RAPGEF2: variants seen among roughly 807,000 people sequenced by gnomAD.
RAPGEF2 encodes PDZ domain containing guanine nucleotide exchange factor (GEF) 1.
In RAPGEF2, 54 loss-of-function variants were observed where a neutral mutation model predicts 186.7. That is an observed-to-expected ratio of 0.29 (90% CI 0.23 to 0.36). The LOEUF is 0.36. Among genes scored for constraint, RAPGEF2 ranks in the 10% least tolerant of loss-of-function variants. The pLI, the probability that RAPGEF2 is intolerant of heterozygous loss-of-function variation, is 1.00. For synonymous variants in RAPGEF2, 712 were observed against 705.9 expected, an observed-to-expected ratio of 1.01 and a Z score of -0.14; for missense variants, 1,532 against 2,045.0, an observed-to-expected ratio of 0.75 and a Z score of 4.84.
At chr4:159,334,352 A>C (rs1767109223) in intron 17 of RAPGEF2, among the ~76,000 whole-genome samples, 1 of 152,160 alleles carries the variant, frequency 6.6e-6, no homozygotes, top group South Asian at 2.1e-4. Context: ...GAGCTCAAGC[A>C]ATTCTCATTC....
intron 7 of RAPGEF2, among the ~76,000 whole-genome samples, chr4:159,299,985 T>G (rs1762459379): frequency 6.6e-6 from 1 of 151,960 alleles, no homozygotes; most frequent in Admixed American, 6.6e-5. Context: ...TGCCAGGCAC[T>G]TCTCTAAGTC....
chr4:159,225,030 C>A (rs1199512107), intron 4 of RAPGEF2, among the ~76,000 whole-genome samples: 1 of 152,070 alleles, frequency 6.6e-6, no homozygotes, highest in Non-Finnish European at 1.5e-5. Context: ...AATGAAGATA[C>A]TTGATTTTAG....
intron 17 of RAPGEF2, among the ~76,000 whole-genome samples, chr4:159,336,768 A>AT (rs1223247381): frequency 6.6e-6 from 1 of 152,036 alleles, no homozygotes; most frequent in African/African-American, 2.4e-5. Flanking sequence ...AAATGTTGCT[A>AT]TTTTTTAGCA....
At chr4:159,315,095 G>A (rs28538100) in intron 9 of RAPGEF2, among the ~76,000 whole-genome samples, 1,590 of 150,958 alleles carry the variant, frequency 0.011, 26 homozygotes, top group African/African-American at 0.036. Context: ...TAATTTTCTC[G>A]TGAGCACTGT....
intron 3 of RAPGEF2, among the ~76,000 whole-genome samples, chr4:159,204,747 TC>T (rs1213686095): frequency 3.9e-5 from 6 of 152,164 alleles, no homozygotes; most frequent in Non-Finnish European, 8.8e-5. Flanking sequence ...AAATCAGTTG[TC>T]CATTGTGGTT....
intron 9 of RAPGEF2, among the ~76,000 whole-genome samples, chr4:159,318,570 C>A (rs1579918153): frequency 6.6e-6 from 1 of 152,200 alleles, no homozygotes; most frequent in African/African-American, 2.4e-5. Context: ...TGATAGATTT[C>A]TTGGGTATAG....
At chr4:159,114,372 G>A (rs1316819392) in intron 1 of RAPGEF2, among the ~76,000 whole-genome samples, 2 of 152,094 alleles carry the variant, frequency 1.3e-5, no homozygotes, top group African/African-American at 4.8e-5. Flanking sequence ...AAAGTGCTGG[G>A]ATTACAGGCG....
At chr4:159,107,627 A>G (rs946474505) in intron 1 of RAPGEF2, among the ~76,000 whole-genome samples, 5 of 152,110 alleles carry the variant, frequency 3.3e-5, no homozygotes, top group African/African-American at 9.7e-5. Flanking sequence ...TTTTTGGGCT[A>G]TTACAACTTT....
intron 3 of RAPGEF2, among the ~76,000 whole-genome samples, chr4:159,202,882 G>A (rs56232666): frequency 0.12 from 18,662 of 152,154 alleles, 2,332 homozygotes; most frequent in African/African-American, 0.32. Flanking sequence ...GATTACAGGC[G>A]TGAGCCACTG....
chr4:159,126,684 C>T (rs1740337570), intron 1 of RAPGEF2, among the ~76,000 whole-genome samples: 2 of 152,166 alleles, frequency 1.3e-5, no homozygotes, highest in African/African-American at 4.8e-5. Flanking sequence ...CCACACTTAT[C>T]CTTTTCCCCC....
intron 3 of RAPGEF2, among the ~76,000 whole-genome samples, chr4:159,195,571 A>AC (rs1299338638): frequency 2.6e-5 from 4 of 152,214 alleles, no homozygotes; most frequent in Admixed American, 2.6e-4. Flanking sequence ...TTGAGACGAT[A>AC]AAGAACTGCC....
chr4:159,172,532 G>T lies in RAPGEF2; in HGVS notation c.70-14110G>T, dbSNP rs1579368772. On this transcript the variant is annotated intron_variant, in intron 1 of 29. Coordinates refer to ENST00000691494, the MANE Select transcript of RAPGEF2 (RefSeq NM_001394067.2). ...ATGATCTGAGGGCTTTAAATGTTGG[G>T]GGTGGGATGTCAGAGTATCAATGTT... Among the ~76,000 whole-genome samples the T allele has an allele frequency of 2.0e-5, 3 of 152,112 alleles. No individual in the cohort carries two copies. The South Asian group carries it at 6.2e-4, about 32-fold the overall frequency.
At chr4:159,108,190 C>A (rs34983140) in intron 1 of RAPGEF2, among the ~76,000 whole-genome samples, 38,141 of 151,978 alleles carry the variant, frequency 0.25, 5,115 homozygotes, top group Non-Finnish European at 0.31. Context: ...ATTAACATTC[C>A]TTGCAATATT....
Position 159,355,846 on chromosome 4 carries a change from A to C in RAPGEF2, c.4652-7A>C, listed in dbSNP as rs1239116945. The C allele has an allele frequency of 2.6e-6, 4 of 1,541,744 alleles. No individual in the cohort carries two copies. Among genetic ancestry groups the C allele is most frequent in the Non-Finnish European group, 3.5e-6 (4 of 1,141,144 alleles). On this transcript the variant is annotated splice_polypyrimidine_tract_variant and splice_region_variant and intron_variant, in intron 28 of 29. Coordinates refer to ENST00000691494, the MANE Select transcript of RAPGEF2 (RefSeq NM_001394067.2). ...TTTTTAATGCTGGTGCATTGTTTCT[A>C]CTCTAGCACGAAAGGAGGGCAGGTA...
intron 1 of RAPGEF2, among the ~76,000 whole-genome samples, chr4:159,161,156 A>G (rs963793415): frequency 6.6e-6 from 1 of 152,226 alleles, no homozygotes; most frequent in Non-Finnish European, 1.5e-5. Context: ...TCTGTGTGTC[A>G]TCCTAAAGAT....
At chr4:159,195,824 T>C (rs916248050) in intron 3 of RAPGEF2, among the ~76,000 whole-genome samples, 1 of 151,926 alleles carries the variant, frequency 6.6e-6, no homozygotes, top group Non-Finnish European at 1.5e-5. Flanking sequence ...ACAATTATTA[T>C]TGATTACTTA....
chr4:159,160,955 C>G (rs1429725071), intron 1 of RAPGEF2, among the ~76,000 whole-genome samples: 1 of 151,096 alleles, frequency 6.6e-6, no homozygotes, highest in Non-Finnish European at 1.5e-5. Context: ...TATTAGTGAT[C>G]AAGTATCCGA....
At chr4:159,295,462 C>T (rs995253085) in intron 7 of RAPGEF2, among the ~76,000 whole-genome samples, 2 of 151,814 alleles carry the variant, frequency 1.3e-5, no homozygotes, top group African/African-American at 2.4e-5. Flanking sequence ...CACTTGAAAT[C>T]CATCATAAAA....
chr4:159,131,294 G>A (rs1241222653), intron 1 of RAPGEF2, among the ~76,000 whole-genome samples: 1 of 152,064 alleles, frequency 6.6e-6, no homozygotes, highest in Non-Finnish European at 1.5e-5. Flanking sequence ...ATTTTTAGTA[G>A]AGACAGGGTT....
Sources: allele counts gnomAD v4.1 joint callset (sites outside exome capture counted in the v4.1 genomes callset), GRCh38; gene constraint gnomAD v4.1.1; transcripts MANE v1.5; gene names NCBI Gene and HGNC (gene_info 2026-07-23, HGNC 2026-07-21).